PCDHGA5: variants seen among roughly 807,000 people sequenced by gnomAD.
PCDHGA5 encodes the protein protocadherin gamma-A5.
Under a neutral mutation model 56.7 loss-of-function variants are expected in PCDHGA5, and 36 were observed. The observed-to-expected ratio is 0.64, with a 90% CI of 0.49 to 0.84. PCDHGA5 has a LOEUF of 0.84. Ranked by LOEUF, PCDHGA5 falls within the 40% of genes least tolerant of loss-of-function variation. The probability of loss-of-function intolerance (pLI) is 0.00; values close to 1 mark genes in which losing one functional copy is unlikely to be tolerated. For synonymous variants in PCDHGA5, 563 were observed against 520.2 expected (o/e 1.08, Z -1.12); for missense variants, 1,305 against 1,201.5 (o/e 1.09, Z -1.27).
At chr5:141,419,722 G>A (rs1194093167) in intron 1 of PCDHGA5, 2 of 1,613,306 alleles carry the variant, frequency 1.2e-6, no homozygotes, top group Admixed American at 1.7e-5. Context: ...GCCTGGGGCT[G>A]CGAACAGGCG....
At chr5:141,507,283 G>T (rs917383969) in intron 3 of PCDHGA5, 2 of 150,498 alleles carry the variant, frequency 1.3e-5, no homozygotes, top group Non-Finnish European at 2.9e-5. Context: ...GCATAAGTCA[G>T]TCTCAAATGT....
chr5:141,421,064 G>A (rs2096543646), intron 1 of PCDHGA5: 2 of 593,294 alleles, frequency 3.4e-6, no homozygotes, highest in Non-Finnish European at 5.7e-6. Context: ...ACACAAAGCG[G>A]AATGAGATGG....
intron 1 of PCDHGA5, chr5:141,475,850 G>C (rs2099376325): frequency 8.6e-6 from 4 of 464,524 alleles, no homozygotes; most frequent in Non-Finnish European, 1.5e-5. Flanking sequence ...AGAGAGCCCG[G>C]CGCTAGCTCA....
intron 1 of PCDHGA5, among the ~76,000 whole-genome samples, chr5:141,457,665 G>A (rs2098927092): frequency 6.6e-6 from 1 of 152,330 alleles, no homozygotes; most frequent in Non-Finnish European, 1.5e-5. Flanking sequence ...AGCAAGAATG[G>A]TTATTTCTAC....
chr5:141,385,085 A>C, intron 1 of PCDHGA5: 1 of 1,614,132 alleles, frequency 6.2e-7, no homozygotes, highest in South Asian at 1.1e-5. Context: ...CAGGCTTCAG[A>C]AGGTGGCTTG....
intron 2 of PCDHGA5, among the ~76,000 whole-genome samples, chr5:141,504,443 A>C (rs1043353401): frequency 2.0e-5 from 3 of 152,070 alleles, no homozygotes; most frequent in African/African-American, 4.8e-5. Context: ...CAGTGTGACT[A>C]GTGCCATGTG....
rs770808281 is a variant in PCDHGA5, at chr5:141,375,056, C to T, written c.2421+8305C>T. The T allele has an allele frequency of 1.9e-6, 3 of 1,613,848 alleles. No individual in the cohort carries two copies. The East Asian group carries it at 6.7e-5, about 36-fold the overall frequency. On this transcript the variant is annotated intron_variant, in intron 1 of 3. Transcript: ENST00000518069. ...GCTGGGTGTTGAAGCCCGGGATGGG[C>T]CAGGTCTTCGAGACAGAGCGAAAGT...
At chr5:141,390,646 C>G (rs2092199925) in intron 1 of PCDHGA5, 1 of 218,218 alleles carries the variant, frequency 4.6e-6, no homozygotes, top group Non-Finnish European at 9.0e-6. Flanking sequence ...CTTTTTTCAG[C>G]TTGGATATAC....
In PCDHGA5 at chr5:141,485,556, A is replaced by T; in HGVS notation, c.2422-9251A>T. On this transcript the variant is annotated intron_variant, in intron 1 of 3. Coordinates refer to ENST00000518069, the MANE Select transcript of PCDHGA5 (RefSeq NM_018918.3). This position sits in a 1 kb window ranked among gnomAD's most constrained non-coding sequence, Gnocchi z 5.7. ...GAGGTAGAGATCGTAGATGTGAATG[A>T]TCACGCCCCCCGTTTTCCGCGGCAG... is the stretch of plus-strand genomic sequence containing the variant. The T allele has an allele frequency of 6.2e-7, 1 of 1,613,664 alleles. No homozygotes were observed. Among genetic ancestry groups the T allele is most frequent in the Non-Finnish European group, 8.5e-7 (1 of 1,179,644 alleles).
intron 1 of PCDHGA5, among the ~76,000 whole-genome samples, chr5:141,406,662 A>G (rs1357382326): frequency 6.6e-6 from 1 of 152,208 alleles, no homozygotes; most frequent in Non-Finnish European, 1.5e-5. Flanking sequence ...TTAATGTTAA[A>G]TTATGGAGAA....
At chr5:141,456,148 C>T (rs1408257938) in intron 1 of PCDHGA5, among the ~76,000 whole-genome samples, 13 of 152,078 alleles carry the variant, frequency 8.5e-5, no homozygotes, top group African/African-American at 3.1e-4. Flanking sequence ...CCGCCCGCCT[C>T]GGCCTCCTAA....
chr5:141,415,506 C>G, intron 1 of PCDHGA5: 1 of 1,614,148 alleles, frequency 6.2e-7, no homozygotes, highest in Non-Finnish European at 8.5e-7. Flanking sequence ...TCCCCCAGCC[C>G]AATTATGCGG....
At chr5:141,372,721 C>CA in intron 1 of PCDHGA5, 1 of 1,613,832 alleles carries the variant, frequency 6.2e-7, no homozygotes, top group Non-Finnish European at 8.5e-7. Flanking sequence ...GAAAATGCTG[C>CA]ACCACAAGAT....
Position 141,395,219 on chromosome 5 carries a change from T to G in PCDHGA5, c.2421+28468T>G, listed in dbSNP as rs1303078300. On this transcript the variant is annotated intron_variant, in intron 1 of 3. Coordinates refer to ENST00000518069, the MANE Select transcript of PCDHGA5 (RefSeq NM_018918.3). Reference sequence around the variant, plus strand: ...CCGTAGATTTTCATGAATATAAGAATGAAGCTGATCATGGTCAGGTGAGTT... The same window carrying G: ...CCGTAGATTTTCATGAATATAAGAAGGAAGCTGATCATGGTCAGGTGAGTT... 3.7e-6 allele frequency: 6 copies of G among 1,611,924 alleles called. No individual in the cohort carries two copies. In the African/African-American group the frequency reaches 4.0e-5, roughly 11 times the overall value.
At chr5:141,471,252 T>C (rs1003162914) in intron 1 of PCDHGA5, 1 of 151,872 alleles carries the variant, frequency 6.6e-6, no homozygotes, top group Non-Finnish European at 1.5e-5. Flanking sequence ...GGTTTCACCA[T>C]GTTGGCAAGG....
At chr5:141,426,693 A>G (rs62378458) in intron 1 of PCDHGA5, 1 of 435,784 alleles carries the variant, frequency 2.3e-6, no homozygotes, top group African/African-American at 2.0e-5. Flanking sequence ...CCAAAATAGC[A>G]TTGTTTTACA....
At chr5:141,395,410 AT>A (rs1180706569) in intron 1 of PCDHGA5, 2 of 801,646 alleles carry the variant, frequency 2.5e-6, no homozygotes, top group African/African-American at 3.5e-5. Flanking sequence ...GTCATAGGTT[AT>A]TGTTTCATTT....
At position 141,490,960 on chromosome 5, in the gene PCDHGA5, T is replaced by G. The variant is rs1384140919; in HGVS notation, c.2422-3847T>G. 1.9e-6 allele frequency: 3 copies of G among 1,613,794 alleles called. No individual in the cohort carries two copies. In the Admixed American group the frequency reaches 5.0e-5, roughly 27 times the overall value. On this transcript the variant is annotated intron_variant, in intron 1 of 3. Transcript: ENST00000518069. The surrounding 1 kb of genome is among the most constrained non-coding windows in gnomAD (Gnocchi z 5.4). ...GCACCCACGGCCAGACTGGGAACAC[T>G]CAGCCCCCCAGCGTCTCCCTCGCTC...
intron 2 of PCDHGA5, among the ~76,000 whole-genome samples, chr5:141,497,661 T>A (rs1485909952): frequency 3.3e-5 from 5 of 151,062 alleles, no homozygotes; most frequent in African/African-American, 4.9e-5. Context: ...TGCCTCAGCC[T>A]CCCGAGTAGC....
Sources: allele counts gnomAD v4.1 joint callset (sites outside exome capture counted in the v4.1 genomes callset), GRCh38; gene constraint gnomAD v4.1.1; non-coding constraint Gnocchi (gnomAD v3.1); transcripts MANE v1.5; gene names NCBI Gene and HGNC (gene_info 2026-07-23, HGNC 2026-07-21).